Variants in PTPRA observed in about 807,000 individuals in gnomAD.
PTPRA encodes the protein receptor-type tyrosine-protein phosphatase alpha.
In PTPRA, 25 loss-of-function variants were observed where a neutral mutation model predicts 104.8. The ratio of observed to expected loss-of-function variants is 0.24; its 90% CI spans 0.17 to 0.33. The LOEUF (loss-of-function observed/expected upper bound fraction) is 0.33, where lower values mean the gene tolerates loss of function less well. Ranked by LOEUF, PTPRA falls within the 10% of genes least tolerant of loss-of-function variation. PTPRA has a pLI of 1.00. For synonymous variants in PTPRA, 323 were observed against 368.9 expected (o/e 0.88, Z 1.43); for missense variants, 765 against 1,015.3 (o/e 0.75, Z 3.35).
At chr20:3,008,798 A>G (rs1179759582) in intron 11 of PTPRA, among the ~76,000 whole-genome samples, 1 of 151,200 alleles carries the variant, frequency 6.6e-6, no homozygotes, top group African/African-American at 2.4e-5. Flanking sequence ...CTGTAATCCC[A>G]GCTACTTGGG....
At chr20:2,967,392 C>T (rs1214862910) in intron 5 of PTPRA, among the ~76,000 whole-genome samples, 1 of 152,176 alleles carries the variant, frequency 6.6e-6, no homozygotes, top group Non-Finnish European at 1.5e-5. Flanking sequence ...CACTTATCAC[C>T]ACCATTTACC....
intron 1 of PTPRA, among the ~76,000 whole-genome samples, chr20:2,883,756 A>G (rs1477131784): frequency 6.6e-6 from 1 of 152,084 alleles, no homozygotes; most frequent in Admixed American, 6.6e-5. Flanking sequence ...TATAACTTAC[A>G]TATTATAAAA....
At chr20:3,026,024 C>T (rs1291057410) in intron 17 of PTPRA, among the ~76,000 whole-genome samples, 2 of 151,510 alleles carry the variant, frequency 1.3e-5, no homozygotes, top group Non-Finnish European at 2.9e-5. Flanking sequence ...CAGCTCACTG[C>T]AACCTCTGCC....
chr20:2,944,728 G>A (rs969975619), intron 2 of PTPRA, among the ~76,000 whole-genome samples: 2 of 152,174 alleles, frequency 1.3e-5, no homozygotes, highest in East Asian at 3.9e-4. Context: ...TTTGCAAACA[G>A]TCTACCACAG....
intron 1 of PTPRA, among the ~76,000 whole-genome samples, chr20:2,903,635 C>T (rs899073319): frequency 6.6e-6 from 1 of 151,906 alleles, no homozygotes; most frequent in Non-Finnish European, 1.5e-5. Flanking sequence ...CTGTGGTGAG[C>T]CATGATAATG....
intron 6 of PTPRA, among the ~76,000 whole-genome samples, chr20:2,975,603 T>A (rs555874989): frequency 6.6e-6 from 1 of 152,370 alleles, no homozygotes; most frequent in Admixed American, 6.5e-5. Flanking sequence ...AAATATTCTT[T>A]GTGTTGTTTT....
intron 14 of PTPRA, among the ~76,000 whole-genome samples, chr20:3,021,786 C>T (rs633293): frequency 0.62 from 94,457 of 152,134 alleles, 31,304 homozygotes; most frequent in African/African-American, 0.85. Context: ...CCCTGGCCCT[C>T]CAGGCAACCC....
At position 2,973,454 on chromosome 20, in the gene PTPRA, A is replaced by G. The variant is rs543068399; in HGVS notation, c.416-1761A>G. Among the ~76,000 whole-genome samples, 63 of 152,314 alleles carry G rather than the reference A, an allele frequency of 4.1e-4. No individual in the cohort carries two copies. In the South Asian group the frequency reaches 0.012, roughly 30 times the overall value. On this transcript the variant is annotated intron_variant, in intron 5 of 23. Transcript: ENST00000399903. ...CGCTATAAGCTGCTCTGACAAAGAT[A>G]CCAAAATTCAGTGACTTAAATAAGA...
chr20:2,945,417 T>C (rs2061086807), intron 2 of PTPRA, among the ~76,000 whole-genome samples: 1 of 152,198 alleles, frequency 6.6e-6, no homozygotes, highest in Admixed American at 6.5e-5. Flanking sequence ...GGGACTGATT[T>C]GCTTTTAAGC....
At chr20:2,946,069 C>T (rs2061119186) in intron 2 of PTPRA, among the ~76,000 whole-genome samples, 1 of 151,894 alleles carries the variant, frequency 6.6e-6, no homozygotes, top group East Asian at 1.9e-4. Flanking sequence ...TTGGACTACA[C>T]AGGGGATAAG....
chr20:2,876,420 C>T (rs1013250330), intron 1 of PTPRA, among the ~76,000 whole-genome samples: 1 of 152,172 alleles, frequency 6.6e-6, no homozygotes, highest in Non-Finnish European at 1.5e-5. Context: ...TATGTGCCTG[C>T]TTATCCATAC....
rs150908061 is a variant in PTPRA at position 3,024,561 on chromosome 20, G to A, written c.1554G>A (p.Leu518=). ...AAGTGACCTCTCTAGAAACCCACCT[G>A]CAGAAAATTTACAACAAAATCCCAG... The part of the protein sequence containing the change: ...ELEVTSLETH[L]QKIYNKIPGT... The change falls in exon 17 of 24, where the codon CTG becomes CTA. Residue 518 remains leucine (L), a synonymous_variant. Transcript: ENST00000399903. 187 of 1,614,144 alleles carry A rather than the reference G, an allele frequency of 1.2e-4. No homozygotes were observed. The East Asian group carries it at 2.3e-3, about 20-fold the overall frequency.
At chr20:2,870,600 G>T (rs2089416312), upstream of PTPRA, among the ~76,000 whole-genome samples, 1 of 152,166 alleles carries the variant, frequency 6.6e-6, no homozygotes, top group Admixed American at 6.5e-5. Context: ...TCCAGCACAT[G>T]GTCTGCACTC....
intron 1 of PTPRA, among the ~76,000 whole-genome samples, chr20:2,880,880 G>A (rs1210350846): frequency 6.6e-6 from 1 of 152,148 alleles, no homozygotes; most frequent in African/African-American, 2.4e-5. Context: ...GTGGTGTCAC[G>A]TGCCTGTAGT....
intron 17 of PTPRA, among the ~76,000 whole-genome samples, chr20:3,026,168 C>G (rs1334000687): frequency 1.3e-5 from 2 of 151,902 alleles, no homozygotes; most frequent in Non-Finnish European, 2.9e-5. Flanking sequence ...AAACTCCTAA[C>G]CTCAGTTGAT....
chr20:2,955,558 T>A lies in PTPRA; in HGVS notation c.-7+7534T>A, dbSNP rs10485604. 4,884 of 889,674 alleles carry A rather than the reference T, an allele frequency of 5.5e-3. 171 individuals carry two copies. In the African/African-American group the frequency reaches 0.078, roughly 14 times the overall value. The allele number at this position is 889,674 out of a possible 1,614,324, so 55.1% of individuals were successfully genotyped here. On this transcript the variant is annotated intron_variant, in intron 3 of 23. Coordinates refer to ENST00000399903, the MANE Select transcript of PTPRA (RefSeq NM_001385305.1). Reference sequence around the variant, plus strand: ...CTTGTTTTGGACTTCTCTATCACATTGCCTTTCTCAAGAGAAGACATATAA... The same window carrying A: ...CTTGTTTTGGACTTCTCTATCACATAGCCTTTCTCAAGAGAAGACATATAA...
intron 3 of PTPRA, among the ~76,000 whole-genome samples, chr20:2,961,943 C>T (rs1397343081): frequency 1.3e-5 from 2 of 152,152 alleles, no homozygotes; most frequent in Non-Finnish European, 2.9e-5. Flanking sequence ...ATCTCTGTTC[C>T]GTTCCATTGA....
rs569862584 is a variant in PTPRA, at chr20:2,946,624, C to T, written c.-49-1358C>T. On this transcript the variant is annotated intron_variant, in intron 2 of 23. Coordinates refer to ENST00000399903, the MANE Select transcript of PTPRA (RefSeq NM_001385305.1). ...CAGCACTTTGGGAGGCTGAGGCAGG[C>T]GGATCACAAGGTCAGGAGTTTGACA... is the stretch of plus-strand genomic sequence containing the variant. Among the ~76,000 whole-genome samples the T allele has an allele frequency of 4.9e-4, 74 of 151,864 alleles. 1 individual carries two copies. The South Asian group carries it at 0.015, about 30-fold the overall frequency.
At chr20:2,884,262 T>C (rs1389003454) in intron 1 of PTPRA, among the ~76,000 whole-genome samples, 1 of 151,746 alleles carries the variant, frequency 6.6e-6, no homozygotes, top group Admixed American at 6.6e-5. Flanking sequence ...TATATATACC[T>C]AGGAGTAGGA....
Sources: gnomAD v4.1 joint callset for allele counts (sites outside exome capture counted in the v4.1 genomes callset) on GRCh38, gnomAD v4.1.1 for gene constraint, MANE v1.5 for transcripts, NCBI Gene and HGNC (gene_info 2026-07-23, HGNC 2026-07-21) for gene names.